Variants in SND1 observed in about 807,000 individuals in gnomAD.
SND1 encodes staphylococcal nuclease and tudor domain containing 1.
SND1 carries 38 observed loss-of-function variants against 121.7 expected under a neutral mutation model. The observed-to-expected ratio is 0.31, with a 90% confidence interval of 0.24 to 0.41. SND1 has a LOEUF of 0.41. Ranked by LOEUF, SND1 falls within the 10% of genes least tolerant of loss-of-function variation. The pLI is 1.00. For missense variants in SND1, 868 were observed against 1,184.6 expected (o/e 0.73, Z 3.92); for synonymous variants, 401 against 447.4 (o/e 0.90, Z 1.31).
chr7:127,783,027 A>G (rs1386153718), intron 10 of SND1, among the ~76,000 whole-genome samples: 1 of 152,114 alleles, frequency 6.6e-6, no homozygotes, highest in African/African-American at 2.4e-5. Context: ...GAGAATGGGG[A>G]CTCATGGTAA....
intron 15 of SND1, among the ~76,000 whole-genome samples, chr7:127,940,199 CT>C (rs1365107911): frequency 1.3e-5 from 2 of 152,126 alleles, no homozygotes; most frequent in Non-Finnish European, 2.9e-5. Flanking sequence ...TGGCTTTTCT[CT>C]GTTGGATTAT....
At chr7:127,901,287 GGT>G (rs1371359346) in intron 13 of SND1, among the ~76,000 whole-genome samples, 1 of 152,084 alleles carries the variant, frequency 6.6e-6, no homozygotes, top group African/African-American at 2.4e-5. Context: ...GAATAAAGAT[GGT>G]ACTCTCCCTT....
chr7:128,022,290 T>G (rs1253182890), intron 16 of SND1, among the ~76,000 whole-genome samples: 2 of 152,018 alleles, frequency 1.3e-5, no homozygotes, highest in Admixed American at 6.5e-5. Flanking sequence ...ATCCTATAAT[T>G]GATTTAAACT....
chr7:127,939,265 A>G (rs1299153341), intron 15 of SND1, among the ~76,000 whole-genome samples: 1 of 152,206 alleles, frequency 6.6e-6, no homozygotes, highest in Non-Finnish European at 1.5e-5. Flanking sequence ...GCAGGTGGTC[A>G]GATCAGAGGA....
chr7:127,736,037 T>A (rs183626741), intron 10 of SND1, among the ~76,000 whole-genome samples: 266 of 152,346 alleles, frequency 1.7e-3, no homozygotes, highest in African/African-American at 6.1e-3. Flanking sequence ...GAATTCTCCC[T>A]TTTTAATAGA....
intron 12 of SND1, among the ~76,000 whole-genome samples, chr7:127,872,619 AACACACACGCACACAC>A (rs1212087745): frequency 6.9e-5 from 8 of 116,056 alleles, no homozygotes; most frequent in African/African-American, 2.8e-4. Flanking sequence ...GACCTTTTTT[AACACACACGCACACAC>A]ACACACACAC....
In SND1 at chr7:127,698,854, AT is replaced by A. The variant is rs1372847922; in HGVS notation, c.350-20del. 1 of 1,610,390 alleles carries A rather than the reference AT, an allele frequency of 6.2e-7. No individual in the cohort carries two copies. The highest frequency in any genetic ancestry group is 1.7e-5 in the Admixed American group (1 of 59,964). On this transcript the variant is annotated intron_variant, in intron 3 of 23. Transcript: ENST00000354725. ...AGGCAGGTTTGAATCTTGTTTTTAA[AT>A]CCCCCCTTTTCCTCCTCAGATACCA...
At chr7:127,774,431 T>C (rs1797576837) in intron 10 of SND1, among the ~76,000 whole-genome samples, 1 of 152,186 alleles carries the variant, frequency 6.6e-6, no homozygotes, top group South Asian at 2.1e-4. Flanking sequence ...GTTTATAAAG[T>C]CTATCGTAGT....
chr7:128,070,242 A>G (rs988913136), intron 16 of SND1, among the ~76,000 whole-genome samples: 2 of 152,142 alleles, frequency 1.3e-5, no homozygotes, highest in African/African-American at 2.4e-5. Context: ...CCCCAGAACC[A>G]TGTGTCTTCC....
chr7:127,949,609 C>T (rs1045761611), intron 15 of SND1, among the ~76,000 whole-genome samples: 66 of 152,194 alleles, frequency 4.3e-4, no homozygotes, highest in African/African-American at 1.6e-3. Flanking sequence ...TGAAATCTTG[C>T]ATTTTGAAAA....
chr7:128,051,869 T>C (rs1307618629), intron 16 of SND1, among the ~76,000 whole-genome samples: 1 of 152,250 alleles, frequency 6.6e-6, no homozygotes, highest in East Asian at 1.9e-4. Context: ...TCCTCTGAGC[T>C]AAGTGATACT....
At chr7:127,746,362 G>A (rs1796982894) in intron 10 of SND1, among the ~76,000 whole-genome samples, 1 of 152,122 alleles carries the variant, frequency 6.6e-6, no homozygotes, top group Non-Finnish European at 1.5e-5. Context: ...CTGCTTTCTT[G>A]CCCGCTACAC....
At chr7:127,964,296 T>G (rs936058907) in intron 15 of SND1, among the ~76,000 whole-genome samples, 5 of 149,570 alleles carry the variant, frequency 3.3e-5, no homozygotes, top group African/African-American at 7.4e-5. Context: ...TTGTTGCCAT[T>G]GCTTTTGGTG....
Position 128,052,071 on chromosome 7 carries a change from C to G in SND1, c.1780-22431C>G, listed in dbSNP as rs1003315319. Reference sequence around the variant, plus strand: ...GAAGGAGATCGAAGTTGATAGACACCGATATCAGAGGTGTAAGGATGACAT... The same window carrying G: ...GAAGGAGATCGAAGTTGATAGACACGGATATCAGAGGTGTAAGGATGACAT... On this transcript the variant is annotated intron_variant, in intron 16 of 23. Transcript: ENST00000354725. This position sits in a 1 kb window ranked among gnomAD's most constrained non-coding sequence, Gnocchi z 4.6. 6.6e-6 allele frequency among the ~76,000 whole-genome samples: 1 copy of G among 152,102 alleles called. No individual in the cohort carries two copies. Among genetic ancestry groups the G allele is most frequent in the African/African-American group, 2.4e-5 (1 of 41,416 alleles).
intron 10 of SND1, among the ~76,000 whole-genome samples, chr7:127,790,139 C>T: frequency 6.6e-6 from 1 of 152,188 alleles, no homozygotes; most frequent in East Asian, 1.9e-4. Flanking sequence ...TCTGGCTTCT[C>T]ATTAGCAGTG....
At chr7:127,824,482 A>G (rs943961832) in intron 11 of SND1, among the ~76,000 whole-genome samples, 3 of 152,180 alleles carry the variant, frequency 2.0e-5, no homozygotes, top group African/African-American at 7.2e-5. Flanking sequence ...CTGATTCTTG[A>G]TAAGTTGTTT....
intron 1 of SND1, among the ~76,000 whole-genome samples, chr7:127,654,128 G>A (rs1795172024): frequency 6.6e-6 from 1 of 152,196 alleles, no homozygotes; most frequent in South Asian, 2.1e-4. Flanking sequence ...ATAGAATGAG[G>A]CTGAACATAG....
intron 11 of SND1, among the ~76,000 whole-genome samples, chr7:127,812,466 T>A (rs1404761283): frequency 6.6e-6 from 1 of 152,262 alleles, no homozygotes; most frequent in Non-Finnish European, 1.5e-5. Flanking sequence ...TGTGAAGTCC[T>A]CGATAACATT....
At chr7:127,785,532 C>T (rs1379681983) in intron 10 of SND1, among the ~76,000 whole-genome samples, 2 of 152,142 alleles carry the variant, frequency 1.3e-5, no homozygotes, top group Admixed American at 6.5e-5. Context: ...AGCCTTTTGG[C>T]CTAAAAGTGA....
Sources: gnomAD v4.1 joint callset for allele counts (sites outside exome capture counted in the v4.1 genomes callset) on GRCh38, gnomAD v4.1.1 for gene constraint, Gnocchi (gnomAD v3.1) non-coding constraint, MANE v1.5 for transcripts, NCBI Gene and HGNC (gene_info 2026-07-23, HGNC 2026-07-21) for gene names.